ENO2: variants seen among roughly 807,000 people sequenced by gnomAD.
ENO2 encodes the protein enolase 2.
A neutral mutation model predicts 48.7 loss-of-function variants in ENO2; 19 were observed. That is an observed-to-expected ratio of 0.39 (90% CI 0.27 to 0.57). The LOEUF is 0.57. Among genes scored for constraint, ENO2 ranks in the 20% least tolerant of loss-of-function variants. The pLI is 0.58. For missense variants in ENO2, 416 were observed against 555.0 expected (o/e 0.75, Z 2.52); for synonymous variants, 198 against 213.4 (o/e 0.93, Z 0.63).
chr12:6,918,604 G>A (rs1555141849), intron 7 of ENO2, among the ~76,000 whole-genome samples: 1 of 151,122 alleles, frequency 6.6e-6, no homozygotes, highest in East Asian at 2.0e-4. Flanking sequence ...CTCCCAAAGT[G>A]CTGGGATTAC....
At chr12:6,917,222 T>G in intron 5 of ENO2, 115 bp downstream of exon 5, 1 of 1,319,604 alleles carries the variant, frequency 7.6e-7, no homozygotes, top group Non-Finnish European at 1.1e-6. Flanking sequence ...GTCAGGGGCA[T>G]TCTCCTCTCA....
intron 7 of ENO2, 57 bp from the exon 8 acceptor site, chr12:6,919,509 C>A: frequency 6.3e-7 from 1 of 1,590,870 alleles, no homozygotes; most frequent in Non-Finnish European, 8.6e-7. Flanking sequence ...TCTTTCCCTC[C>A]TCCTCCTTGC....
At chr12:6,917,420 T>G (rs1555141714) in intron 5 of ENO2, 161 bp from the exon 6 acceptor site, 1 of 1,002,076 alleles carries the variant, frequency 1.0e-6, no homozygotes, top group Non-Finnish European at 1.4e-6. Context: ...TTCCTCTCCC[T>G]GCTGTTTTCA....
chr12:6,922,465 A>T lies in ENO2; in HGVS notation c.1235+63A>T. Reference sequence around the variant, plus strand: ...GCTAAAGGCCCCATTTGCCTGCCAGACCATCTGTAGCACCAAGGGCCTGGA... The same window carrying T: ...GCTAAAGGCCCCATTTGCCTGCCAGTCCATCTGTAGCACCAAGGGCCTGGA... On this transcript the variant is annotated intron_variant, in intron 11 of 11. Coordinates refer to ENST00000229277, the MANE Select transcript of ENO2 (RefSeq NM_001975.3). The surrounding 1 kb of genome is among the most constrained non-coding windows in gnomAD (Gnocchi z 5.3). 6.3e-7 allele frequency: 1 copy of T among 1,593,116 alleles called. No homozygotes were observed. The highest frequency in any genetic ancestry group is 1.1e-5 in the South Asian group (1 of 90,642).
Position 6,915,849 on chromosome 12 carries a change from T to C in ENO2, c.17T>C (p.Ile6Thr). 2 of 1,613,660 alleles carry C rather than the reference T, an allele frequency of 1.2e-6. No homozygotes were observed. Among genetic ancestry groups the C allele is most frequent in the Non-Finnish European group, 1.7e-6 (2 of 1,179,838 alleles). MSIEK[I>T]WAREILDSRG... ...CCAGCCATCATGTCCATAGAGAAGA[T>C]CTGGGCCCGGGAGATCCTGGACTCC... Residue 6 changes from isoleucine to threonine, a missense_variant, in exon 2 of 12, where the codon ATC becomes ACC. By Grantham distance (89) the Ile-to-Thr change is moderately conservative (BLOSUM62 -1). Transcript: ENST00000229277.
chr12:6,916,001 T>C lies in ENO2; in HGVS notation c.85+84T>C. Reference sequence around the variant, plus strand: ...TCGGCCAGGGGTTCGGAGGCCTTTTTTGATACCCAGGGGTATGGGGTGCTG... The same window carrying C: ...TCGGCCAGGGGTTCGGAGGCCTTTTCTGATACCCAGGGGTATGGGGTGCTG... On this transcript the variant is annotated intron_variant, in intron 2 of 11. Transcript: ENST00000229277. The surrounding 1 kb of genome is among the most constrained non-coding windows in gnomAD (Gnocchi z 4.5). 13 of 1,437,326 alleles carry C rather than the reference T, an allele frequency of 9.0e-6. No homozygotes were observed. The highest frequency in any genetic ancestry group is 8.8e-6 in the Non-Finnish European group (9 of 1,024,136). 89.0% of individuals were successfully genotyped at this position (1,437,326 alleles called of 1,614,324 possible).
intron 7 of ENO2, among the ~76,000 whole-genome samples, chr12:6,918,475 C>T (rs218738): frequency 1.5e-4 from 22 of 151,662 alleles, no homozygotes; most frequent in Admixed American, 9.8e-4. Flanking sequence ...CTCAGCCTCC[C>T]GAGTAGCTGG....
intron 7 of ENO2, among the ~76,000 whole-genome samples, chr12:6,918,782 G>C (rs1261977539): frequency 6.6e-6 from 1 of 151,044 alleles, no homozygotes; most frequent in East Asian, 2.0e-4. Context: ...AGGAGTTTGA[G>C]ACCAGCCTGG....
chr12:6,919,954 C>T (rs3213434), intron 8 of ENO2, among the ~76,000 whole-genome samples, 191 bp downstream of exon 8: 46,977 of 151,874 alleles, frequency 0.31, 7,281 homozygotes, highest in Middle Eastern at 0.44. Context: ...TGCAGGTACC[C>T]GTGACCAATC....
rs782274710 is a variant in ENO2 at position 6,920,783 on chromosome 12, A to G, written c.866-798A>G. On this transcript the variant is annotated intron_variant, in intron 8 of 11. Transcript: ENST00000229277. ...CCATGTTGCTCATGGCTGGTCTCAA[A>G]CTACTGGGCTCAAGTGATCTGCATG... is the stretch of plus-strand genomic sequence containing the variant. 3.1e-4 allele frequency among the ~76,000 whole-genome samples: 46 copies of G among 146,666 alleles called. No homozygotes were observed. The South Asian group carries it at 0.01, about 32-fold the overall frequency.
chr12:6,917,237 C>T, intron 5 of ENO2, 130 bp downstream of exon 5: 1 of 1,173,930 alleles, frequency 8.5e-7, no homozygotes, highest in South Asian at 1.4e-5. Context: ...CTCTCAAAGC[C>T]AGAGCAAGGG....
At position 6,916,172 on chromosome 12, in the gene ENO2, G is replaced by A. The variant is rs1186440124; in HGVS notation, c.86-245G>A. ...TGCACTTGCATGTGTGCAGACGTGT[G>A]CTGCAAGCAATTTTCTTTCTGCGGG... On this transcript the variant is annotated intron_variant, in intron 2 of 11. Coordinates refer to ENST00000229277, the MANE Select transcript of ENO2 (RefSeq NM_001975.3). This position sits in a 1 kb window ranked among gnomAD's most constrained non-coding sequence, Gnocchi z 4.5. Among the ~76,000 whole-genome samples the A allele has an allele frequency of 2.0e-5, 3 of 151,608 alleles. No homozygotes were observed. The highest frequency in any genetic ancestry group is 4.4e-5 in the Non-Finnish European group (3 of 67,802).
chr12:6,918,981 C>CAA (rs58247795), intron 7 of ENO2, among the ~76,000 whole-genome samples: 46 of 75,724 alleles, frequency 6.1e-4, no homozygotes, highest in African/African-American at 1.8e-3. Flanking sequence ...GACTCCGTCT[C>CAA]AAAAAAAAAA....
intron 1 of ENO2, 123 bp from the exon 2 acceptor site, chr12:6,915,693 TACCCA>T: frequency 5.6e-5 from 19 of 342,128 alleles, no homozygotes; most frequent in South Asian, 1.1e-4. Context: ...AGCGCCTCCC[TACCCA>T]CCCCCCACCC....
Position 6,916,429 on chromosome 12 carries a change from C to T in ENO2, c.98C>T (p.Ala33Val). 6.2e-7 allele frequency: 1 copy of T among 1,613,732 alleles called. No homozygotes were observed. Among genetic ancestry groups the T allele is most frequent in the Non-Finnish European group, 8.5e-7 (1 of 1,179,848 alleles). ...GTTCCTCCTTTAGGTCTTTTCCGGG[C>T]TGCAGTGCCCAGTGGAGCCTCTACG... ...DLYTAKGLFRAAVPSGASTGI... is the reference protein window; with the variant it reads ...DLYTAKGLFRVAVPSGASTGI... Residue 33 changes from alanine to valine, a missense_variant, in exon 3 of 12, where the codon GCT becomes GTT. Ala to Val is a moderately conservative substitution (Grantham distance 64). Transcript: ENST00000229277. This position sits in a 1 kb window ranked among gnomAD's most constrained non-coding sequence, Gnocchi z 4.5.
Position 6,916,961 on chromosome 12 carries a change from G to C in ENO2, c.241-77G>C. The C allele has an allele frequency of 6.3e-7, 1 of 1,590,442 alleles. No homozygotes were observed. The highest frequency in any genetic ancestry group is 8.6e-7 in the Non-Finnish European group (1 of 1,161,262). On this transcript the variant is annotated intron_variant, in intron 4 of 11. Coordinates refer to ENST00000229277, the MANE Select transcript of ENO2 (RefSeq NM_001975.3). This position sits in a 1 kb window ranked among gnomAD's most constrained non-coding sequence, Gnocchi z 4.5. The stretch of plus-strand genomic sequence containing the variant: ...TTGGACCCTGGCCAAATGTGAGCTT[G>C]GGTGTGAATGAGGGGACCCTCTGCC...
At position 6,919,560 on chromosome 12, in the gene ENO2, C is replaced by T. The variant is rs1393404974; in HGVS notation, c.668-6C>T. ...GTACTATAATCTCACTGTATTCTGT[C>T]CCCAGCCTTGGAGCTGGTGAAGGAA... is the stretch of plus-strand genomic sequence containing the variant. On this transcript the variant is annotated splice_polypyrimidine_tract_variant and splice_region_variant and intron_variant, in intron 7 of 11. Coordinates refer to ENST00000229277, the MANE Select transcript of ENO2 (RefSeq NM_001975.3). 6.2e-7 allele frequency: 1 copy of T among 1,614,002 alleles called. No individual in the cohort carries two copies.
chr12:6,917,353 G>C, intron 5 of ENO2: 2 of 707,488 alleles, frequency 2.8e-6, no homozygotes, highest in Non-Finnish European at 4.6e-6. Flanking sequence ...GTGGTCTCAG[G>C]GATATTTAGA....
At position 6,919,658 on chromosome 12, in the gene ENO2, G is replaced by A. The variant is rs782301546; in HGVS notation, c.760G>A (p.Asp254Asn). ...MDVAASEFYR[D>N]GKYDLDFKSP... ...TGTTGCTGCCTCAGAGTTTTATCGTGATGGCAAATATGACTTGGACTTCAA... is the reference window on the plus strand; with the variant it reads ...TGTTGCTGCCTCAGAGTTTTATCGTAATGGCAAATATGACTTGGACTTCAA... The change falls in exon 8 of 12, where the codon GAT becomes AAT. Residue 254 changes from aspartate (D) to asparagine (N), a missense_variant. Coordinates refer to ENST00000229277, the MANE Select transcript of ENO2 (RefSeq NM_001975.3). 3 of 1,614,188 alleles carry A rather than the reference G, an allele frequency of 1.9e-6. No individual in the cohort carries two copies. The highest frequency in any genetic ancestry group is 1.6e-4 in the Middle Eastern group (1 of 6,062).
Sources: allele counts gnomAD v4.1 joint callset (sites outside exome capture counted in the v4.1 genomes callset), GRCh38; gene constraint gnomAD v4.1.1; non-coding constraint Gnocchi (gnomAD v3.1); transcripts MANE v1.5; gene names NCBI Gene and HGNC (gene_info 2026-07-23, HGNC 2026-07-21).